SFI1: variants seen among roughly 807,000 people sequenced by gnomAD.
The protein encoded by SFI1 is protein SFI1 homolog.
Under a neutral mutation model 207.5 loss-of-function variants are expected in SFI1, and 195 were observed. The ratio of observed to expected loss-of-function variants is 0.94; its 90% CI spans 0.84 to 1.06. SFI1 has a LOEUF of 1.06. Ranked by LOEUF, SFI1 falls within the 50% of genes least tolerant of loss-of-function variation. SFI1 has a pLI of 0.00. For synonymous variants in SFI1, 630 were observed against 598.9 expected (o/e 1.05, Z -0.76); for missense variants, 1,634 against 1,588.0 (o/e 1.03, Z -0.49).
chr22:31,611,996 C>T (rs1018617820), intron 24 of SFI1, 156 bp downstream of exon 24: 2 of 1,425,728 alleles, frequency 1.4e-6, no homozygotes, highest in Non-Finnish European at 9.2e-7. Context: ...CTGTCATTTC[C>T]AGGCACATCA....
At chr22:31,614,060 C>G (rs756096323) in intron 27 of SFI1, 2 of 669,754 alleles carry the variant, frequency 3.0e-6, no homozygotes, top group East Asian at 2.8e-5. Flanking sequence ...TTTCCAAACC[C>G]TCTCTCCTTT....
intron 6 of SFI1, among the ~76,000 whole-genome samples, chr22:31,556,279 A>G (rs557280764): frequency 1.1e-4 from 17 of 150,836 alleles, no homozygotes; most frequent in South Asian, 8.4e-4. Context: ...CTAGAGTGCA[A>G]TGGCGTGATC....
At chr22:31,590,303 G>C (rs1416151691) in intron 15 of SFI1, among the ~76,000 whole-genome samples, 1 of 152,152 alleles carries the variant, frequency 6.6e-6, no homozygotes, top group Non-Finnish European at 1.5e-5. Flanking sequence ...CCATGGAGTA[G>C]AGAGAAGTCA....
intron 2 of SFI1, among the ~76,000 whole-genome samples, chr22:31,508,796 G>T (rs562883033): frequency 6.6e-6 from 1 of 152,234 alleles, no homozygotes; most frequent in Non-Finnish European, 1.5e-5. Context: ...CTCCCTTTCT[G>T]GGTTTTGGTA....
intron 11 of SFI1, among the ~76,000 whole-genome samples, chr22:31,578,754 G>A (rs1842267229): frequency 6.6e-6 from 1 of 152,148 alleles, no homozygotes; most frequent in African/African-American, 2.4e-5. Flanking sequence ...ATAGGTCAAA[G>A]TAGCCATGCT....
Position 31,561,331 on chromosome 22 carries a change from G to T in SFI1, c.704G>T (p.Arg235Leu), listed in dbSNP as rs201351749. The T allele has an allele frequency of 1.7e-5, 27 of 1,614,012 alleles. No individual in the cohort carries two copies. The South Asian group carries it at 1.8e-4, about 11-fold the overall frequency. The part of the protein sequence containing the change: ...STWRQRLGQV[R>L]VSRALHASAL... The stretch of plus-strand genomic sequence containing the variant: ...TGGAGGCAGCGACTAGGACAGGTCC[G>T]TGTGAGCCGTGCCCTCCATGCCTCT... Residue 235 changes from arginine (R) to leucine (L), a missense_variant, in exon 8 of 33, where the codon CGT (arginine) becomes CTT (leucine). By Grantham distance (102) the Arg-to-Leu change is moderately radical (BLOSUM62 -2). Transcript: ENST00000400288.
At chr22:31,587,878 A>T (rs1042134576) in intron 14 of SFI1, 2 of 152,340 alleles carry the variant, frequency 1.3e-5, no homozygotes, top group Admixed American at 1.3e-4. Flanking sequence ...TATAAAGAAG[A>T]AAAAATAAAA....
At chr22:31,564,187 C>T (rs752643286) in intron 8 of SFI1, among the ~76,000 whole-genome samples, 2 of 151,068 alleles carry the variant, frequency 1.3e-5, no homozygotes, top group African/African-American at 4.9e-5. Flanking sequence ...ATTAGCCGGG[C>T]GTGGTGGTGG....
At position 31,585,056 on chromosome 22, in the gene SFI1, C is replaced by G; in HGVS notation, c.1347-12C>G. The stretch of plus-strand genomic sequence containing the variant: ...AACTTGAAACCTGAAGGTGTTCTTC[C>G]TTTTGTTTCAGAATAGCACTGCTGT... On this transcript the variant is annotated splice_polypyrimidine_tract_variant and intron_variant, in intron 13 of 32. Coordinates refer to ENST00000400288, the MANE Select transcript of SFI1 (RefSeq NM_001007467.3). 6.2e-7 allele frequency: 1 copy of G among 1,610,716 alleles called. No individual in the cohort carries two copies.
chr22:31,523,554 GT>G (rs1449567884), intron 2 of SFI1, among the ~76,000 whole-genome samples: 1 of 152,180 alleles, frequency 6.6e-6, no homozygotes, highest in Non-Finnish European at 1.5e-5. Context: ...TAAACAGTTT[GT>G]CTTTAGAGTG....
chr22:31,600,243 GAAAA>G (rs543373335), intron 15 of SFI1, among the ~76,000 whole-genome samples: 1 of 152,160 alleles, frequency 6.6e-6, no homozygotes, highest in African/African-American at 2.4e-5. Context: ...AAATTGAGAA[GAAAA>G]AAATTCAGCC....
Position 31,607,981 on chromosome 22 carries a change from C to A in SFI1, c.2202C>A (p.Tyr734Ter), listed in dbSNP as rs370388473. Reference protein sequence around the residue: ...WREAVSVQMYYRQQEDCAIWE... With the variant: ...WREAVSVQMY ...AAGCTGTGTCAGTGCAGATGTATTA[C>A]CGACAGCAGGAGGACTGTGCCATCT... The change falls in exon 22 of 33, where the codon TAC becomes TAA. Residue 734 changes from tyrosine to a stop codon, truncating the protein, a stop_gained. Transcript: ENST00000400288. LOFTEE classifies it high-confidence loss of function. The A allele has an allele frequency of 6.2e-7, 1 of 1,613,816 alleles. No individual in the cohort carries two copies. The highest frequency in any genetic ancestry group is 8.5e-7 in the Non-Finnish European group (1 of 1,179,930).
rs1286561806 is a variant in SFI1 at position 31,602,669 on chromosome 22, A to G, written c.1689A>G (p.Ala563=). The G allele has an allele frequency of 1.2e-6, 2 of 1,614,228 alleles. No homozygotes were observed. Among genetic ancestry groups the G allele is most frequent in the East Asian group, 4.5e-5 (2 of 44,886 alleles). Reference sequence around the variant, plus strand: ...CTTGGTTCATGTGGCACCAGCAGGCAGCAGCACGTCACCAGGAGCAGGAGT... The same window carrying G: ...CTTGGTTCATGTGGCACCAGCAGGCGGCAGCACGTCACCAGGAGCAGGAGT... The part of the protein sequence containing the change: ...YRSWFMWHQQ[A]AARHQEQEWQ... Residue 563 remains alanine, a synonymous_variant, in exon 17 of 33, where the codon GCA becomes GCG. Coordinates refer to ENST00000400288, the MANE Select transcript of SFI1 (RefSeq NM_001007467.3).
At chr22:31,610,643 G>C (rs1157020003) in intron 22 of SFI1, among the ~76,000 whole-genome samples, 1 of 152,238 alleles carries the variant, frequency 6.6e-6, no homozygotes, top group Non-Finnish European at 1.5e-5. Context: ...GGGAGCCAGA[G>C]GGCATGGCCT....
chr22:31,566,135 T>C (rs952342360), intron 8 of SFI1, among the ~76,000 whole-genome samples: 2 of 151,954 alleles, frequency 1.3e-5, no homozygotes, highest in Non-Finnish European at 2.9e-5. Context: ...TTTTTTTTTT[T>C]TGAGACTCCG....
In SFI1 at chr22:31,528,787, A is replaced by C; in HGVS notation, c.190A>C (p.Ser64Arg). The C allele has an allele frequency of 6.2e-7, 1 of 1,614,178 alleles. No homozygotes were observed. Among genetic ancestry groups the C allele is most frequent in the Non-Finnish European group, 8.5e-7 (1 of 1,180,022 alleles). Residue 64 changes from serine to arginine, a missense_variant, in exon 3 of 33, where the codon AGT becomes CGT. Transcript: ENST00000400288. Reference sequence around the variant, plus strand: ...CTTTGGGATCCGGAGGGAGTTACCTAGTACCAGTCATCTAGTGCAGTATCG... The same window carrying C: ...CTTTGGGATCCGGAGGGAGTTACCTCGTACCAGTCATCTAGTGCAGTATCG... ...ASFGIRRELP[S>R]TSHLVQYRGT... is the part of the protein sequence containing the mutation.
At chr22:31,601,853 C>T (rs2068149139) in intron 15 of SFI1, among the ~76,000 whole-genome samples, 1 of 152,004 alleles carries the variant, frequency 6.6e-6, no homozygotes, top group Non-Finnish European at 1.5e-5. Context: ...AGTGGAGTGG[C>T]GTGATCATAG....
chr22:31,564,722 C>G (rs2062083043), intron 8 of SFI1, among the ~76,000 whole-genome samples: 1 of 151,060 alleles, frequency 6.6e-6, no homozygotes, highest in Non-Finnish European at 1.5e-5. Context: ...GTTGCCCAGG[C>G]TGGTCTGAAA....
chr22:31,583,907 T>C lies in SFI1; in HGVS notation c.1281T>C (p.Ser427=). The change falls in exon 13 of 33, where the codon TCT becomes TCC. Residue 427 remains serine (S), a synonymous_variant. Coordinates refer to ENST00000400288, the MANE Select transcript of SFI1 (RefSeq NM_001007467.3). ...LLHRFWNLWR[S]QIEQKKEREL... is the part of the protein sequence containing the mutation. ...ACAGGTTCTGGAACCTCTGGCGGTCTCAGATTGAGCAGAAAAAGGAAAGAG... is the reference window on the plus strand; with the variant it reads ...ACAGGTTCTGGAACCTCTGGCGGTCCCAGATTGAGCAGAAAAAGGAAAGAG... 1 of 1,614,164 alleles carries C rather than the reference T, an allele frequency of 6.2e-7. No individual in the cohort carries two copies. The highest frequency in any genetic ancestry group is 8.5e-7 in the Non-Finnish European group (1 of 1,180,026).
Sources: gnomAD v4.1 joint callset for allele counts (sites outside exome capture counted in the v4.1 genomes callset) on GRCh38, gnomAD v4.1.1 for gene constraint, MANE v1.5 for transcripts, NCBI Gene and HGNC (gene_info 2026-07-23, HGNC 2026-07-21) for gene names.